The following LRRC7 variants were observed in gnomAD, a reference collection of about 807,000 sequenced individuals.
LRRC7 encodes leucine-rich repeat-containing protein 7.
LRRC7 carries 23 observed loss-of-function variants against 175.7 expected under a neutral mutation model. The observed-to-expected ratio is 0.13, with a 90% CI of 0.09 to 0.19. The LOEUF (loss-of-function observed/expected upper bound fraction) is 0.19, where lower values mean the gene tolerates loss of function less well. LRRC7 is among the 10% of genes least tolerant of loss of function. LRRC7 has a pLI of 1.00. For synonymous variants in LRRC7, 685 were observed against 680.9 expected (o/e 1.01, Z -0.09); for missense variants, 1,354 against 1,904.7 (o/e 0.71, Z 5.38).
chr1:70,023,480 A>G (rs555719035), intron 17 of LRRC7, 106 bp downstream of exon 17: 31 of 1,189,574 alleles, frequency 2.6e-5, no homozygotes, highest in Admixed American at 5.8e-5. Flanking sequence ...AATGTTGATC[A>G]CATAGAAACC....
At chr1:69,785,585 A>C (rs539854726) in intron 3 of LRRC7, among the ~76,000 whole-genome samples, 10 of 152,190 alleles carry the variant, frequency 6.6e-5, no homozygotes, top group Admixed American at 6.5e-4. Flanking sequence ...TATATTTATC[A>C]AAGTCTTTTC....
intron 1 of LRRC7, among the ~76,000 whole-genome samples, chr1:69,676,838 A>G (rs1470071508): frequency 6.6e-6 from 1 of 151,808 alleles, no homozygotes; most frequent in African/African-American, 2.4e-5. Context: ...ACACACATGA[A>G]TTGTATATTG....
At chr1:69,986,081 C>A (rs963995942) in intron 9 of LRRC7, among the ~76,000 whole-genome samples, 161 bp from the exon 10 acceptor site, 1 of 152,304 alleles carries the variant, frequency 6.6e-6, no homozygotes, top group South Asian at 2.1e-4. Flanking sequence ...TACATTCCTA[C>A]TAGCAATGTT....
At chr1:69,924,397 A>G (rs968499114) in intron 7 of LRRC7, among the ~76,000 whole-genome samples, 2 of 152,190 alleles carry the variant, frequency 1.3e-5, no homozygotes, top group African/African-American at 4.8e-5. Context: ...CTTGGGCAGT[A>G]TGGGCATTTT....
chr1:70,048,783 G>A (rs1660528075), intron 22 of LRRC7, among the ~76,000 whole-genome samples: 1 of 152,022 alleles, frequency 6.6e-6, no homozygotes. Context: ...AGATCCACTT[G>A]CGTTTCCTGA....
At chr1:69,734,227 G>A (rs910158164) in intron 2 of LRRC7, among the ~76,000 whole-genome samples, 13 of 151,700 alleles carry the variant, frequency 8.6e-5, no homozygotes, top group African/African-American at 2.2e-4. Flanking sequence ...TCCATATGCC[G>A]TCATAGATTA....
chr1:69,673,560 A>G (rs1207811883), intron 1 of LRRC7, among the ~76,000 whole-genome samples: 1 of 152,192 alleles, frequency 6.6e-6, no homozygotes, highest in Non-Finnish European at 1.5e-5. Context: ...CCAAGATTTC[A>G]TTTTTGGTCA....
chr1:69,678,774 C>A lies in LRRC7; in HGVS notation c.100+296C>A, dbSNP rs151219482. ...GACAGATCTTTCTTGTATATTTATA[C>A]CATGCATGGTAATGGTTCTGAGACG... On this transcript the variant is annotated intron_variant, in intron 2 of 26. Coordinates refer to ENST00000651989, the MANE Select transcript of LRRC7 (RefSeq NM_001370785.2). Among the ~76,000 whole-genome samples, 197 of 152,170 alleles carry A rather than the reference C, an allele frequency of 1.3e-3. 1 individual carries two copies. The highest frequency in any genetic ancestry group is 4.4e-3 in the African/African-American group (184 of 41,546).
intron 1 of LRRC7, among the ~76,000 whole-genome samples, chr1:69,622,480 G>A (rs1650775877): frequency 6.6e-6 from 1 of 152,118 alleles, no homozygotes; most frequent in Admixed American, 6.6e-5. Flanking sequence ...CTCTGATATG[G>A]ACTTCAGGAC....
intron 26 of LRRC7, 42 bp from the exon 27 acceptor site, chr1:70,121,738 A>G (rs201136209): frequency 5.5e-5 from 70 of 1,266,858 alleles, no homozygotes; most frequent in Non-Finnish European, 7.6e-5. Context: ...TACAGTGATA[A>G]TAGTTTACAT....
chr1:69,819,025 C>CA (rs142349480), intron 4 of LRRC7, among the ~76,000 whole-genome samples: 9,124 of 151,476 alleles, frequency 0.06, 555 homozygotes, highest in African/African-American at 0.15. Flanking sequence ...TTTATCTTCT[C>CA]AAAAAAAACA....
chr1:70,117,051 C>T (rs974532317), intron 26 of LRRC7, among the ~76,000 whole-genome samples: 4 of 152,156 alleles, frequency 2.6e-5, no homozygotes, highest in African/African-American at 9.7e-5. Context: ...ACTAATATTT[C>T]TCTAACATAC....
intron 2 of LRRC7, among the ~76,000 whole-genome samples, chr1:69,755,582 A>T (rs892455620): frequency 6.6e-6 from 1 of 151,574 alleles, no homozygotes; most frequent in African/African-American, 2.4e-5. Context: ...ATATAGTACA[A>T]GTTGCAAAGC....
chr1:69,793,919 G>A (rs1675416031), intron 4 of LRRC7, among the ~76,000 whole-genome samples: 1 of 152,118 alleles, frequency 6.6e-6, no homozygotes, highest in African/African-American at 2.4e-5. Flanking sequence ...AAGTCTTTGA[G>A]AGTAATTGAG....
intron 4 of LRRC7, among the ~76,000 whole-genome samples, chr1:69,805,870 G>T (rs905499846): frequency 6.6e-6 from 1 of 151,800 alleles, no homozygotes. Flanking sequence ...CTTACAATCT[G>T]GTTATGTACT....
At chr1:69,570,152 G>T (rs1645680145) in intron 1 of LRRC7, among the ~76,000 whole-genome samples, 1 of 152,016 alleles carries the variant, frequency 6.6e-6, no homozygotes, top group African/African-American at 2.4e-5. Flanking sequence ...GCACAATAGA[G>T]ATTTTTATAG....
chr1:69,805,820 C>T (rs1188727348), intron 4 of LRRC7, among the ~76,000 whole-genome samples: 4 of 151,686 alleles, frequency 2.6e-5, no homozygotes, highest in African/African-American at 7.3e-5. Context: ...CAAATAATGC[C>T]TTATGTGTTT....
intron 2 of LRRC7, among the ~76,000 whole-genome samples, chr1:69,717,766 GAAAA>G (rs1193274042): frequency 0.023 from 1,236 of 53,428 alleles, 288 homozygotes; most frequent in African/African-American, 0.051. Context: ...ATGAAAAAAA[GAAAA>G]AAAGAAAGAA....
chr1:69,906,526 C>A (rs1393563916), intron 7 of LRRC7, among the ~76,000 whole-genome samples: 1 of 152,242 alleles, frequency 6.6e-6, no homozygotes, highest in East Asian at 1.9e-4. Context: ...AATCCTTTCC[C>A]CATTGCTTGT....
Sources: gnomAD v4.1 joint callset for allele counts (sites outside exome capture counted in the v4.1 genomes callset) on GRCh38, gnomAD v4.1.1 for gene constraint, MANE v1.5 for transcripts, NCBI Gene and HGNC (gene_info 2026-07-23, HGNC 2026-07-21) for gene names.